The following JAG2 variants were observed in gnomAD, a reference collection of about 807,000 sequenced individuals.
The protein encoded by JAG2 is jagged canonical Notch ligand 2, also known as protein jagged-2.
In JAG2, 46 loss-of-function variants were observed where a neutral mutation model predicts 141.7. That is an observed-to-expected ratio of 0.32 (90% CI 0.26 to 0.42). JAG2 has a LOEUF of 0.42. JAG2 is among the 10% of genes least tolerant of loss of function. JAG2 has a pLI of 1.00. For missense variants in JAG2, 1,500 were observed against 1,817.5 expected (o/e 0.83, Z 3.18); for synonymous variants, 862 against 763.5 (o/e 1.13, Z -2.13).
chr14:105,157,774 G>A lies in JAG2; in HGVS notation c.418-11C>T. 2.6e-6 allele frequency: 4 copies of A among 1,568,258 alleles called. No individual in the cohort carries two copies. The highest frequency in any genetic ancestry group is 3.5e-6 in the Non-Finnish European group (4 of 1,158,496). ...GAGGGTAAAGGAGCGCTGCAGACAT[G>A]GGGAGGCGGGTCAGGTACCTGAGGC... On this transcript the variant is annotated splice_polypyrimidine_tract_variant and intron_variant, in intron 2 of 25. Transcript: ENST00000331782.
At chr14:105,145,500 G>A (rs929880218) in intron 23 of JAG2, among the ~76,000 whole-genome samples, 2 of 152,218 alleles carry the variant, frequency 1.3e-5, no homozygotes, top group African/African-American at 4.8e-5. Flanking sequence ...AGGGCAGCTG[G>A]ACAAACAGGC....
At position 105,155,820 on chromosome 14, in the gene JAG2, G is replaced by A. The variant is rs61750261; in HGVS notation, c.645C>T (p.Asn215=). ...ATCNKFCRPR[N]DFFGHYTCDQ... ...CGCAGGTGTAGTGGCCGAAAAAGTC[G>A]TTGCGGGGCCGGCAGAACTTGTTGC... The change falls in exon 4 of 26, where the codon AAC becomes AAT. Residue 215 remains asparagine (N), a synonymous_variant. Transcript: ENST00000331782. 7,061 of 1,612,818 alleles carry A rather than the reference G, an allele frequency of 4.4e-3. 280 individuals carry two copies. The African/African-American group carries it at 0.082, about 19-fold the overall frequency.
At position 105,149,037 on chromosome 14, in the gene JAG2, G is replaced by A. The variant is rs1251401304; in HGVS notation, c.1806C>T (p.Ala602=). ...DAGPGMPGTA[A]SGVCGPHGRC... The stretch of plus-strand genomic sequence containing the variant: ...GTCCATGGGGGCCACACACGCCGGA[G>A]GCTGCTGTGCCAGGCATCCCAGGCC... Residue 602 remains alanine, a synonymous_variant, in exon 14 of 26, where the codon GCC becomes GCT. Transcript: ENST00000331782. 8.1e-6 allele frequency: 13 copies of A among 1,607,922 alleles called. No individual in the cohort carries two copies. The highest frequency in any genetic ancestry group is 1.0e-5 in the Non-Finnish European group (12 of 1,178,038).
At chr14:105,157,580 A>G in intron 3 of JAG2, 126 bp downstream of exon 3, 2 of 962,098 alleles carry the variant, frequency 2.1e-6, no homozygotes, top group Admixed American at 2.0e-5. Context: ...CAAAGCAAAA[A>G]GGGAAACAGC....
chr14:105,148,370 T>C lies in JAG2; in HGVS notation c.2090A>G (p.Tyr697Cys). ...CTTCCAGCCGTCGTCGCACGCACAG[T>C]AGAAGTCATTGACCAGGTCGTAGCA... The part of the protein sequence containing the change: ...GRCYDLVNDF[Y>C]CACDDGWKGK... The change falls in exon 16 of 26, where the codon TAC (tyrosine) becomes TGC (cysteine). Residue 697 changes from tyrosine to cysteine, a missense_variant. By Grantham distance (194) the Tyr-to-Cys change is radical. This residue lies in a region of JAG2 where 875 missense variants were observed against 1,202.2 expected (regional missense o/e 0.73). Coordinates refer to ENST00000331782, the MANE Select transcript of JAG2 (RefSeq NM_002226.5). 1 of 1,611,804 alleles carries C rather than the reference T, an allele frequency of 6.2e-7. No individual in the cohort carries two copies.
intron 2 of JAG2, among the ~76,000 whole-genome samples, chr14:105,164,744 G>A (rs1178644723): frequency 6.6e-6 from 1 of 152,180 alleles, no homozygotes; most frequent in East Asian, 1.9e-4. Context: ...GAACTGGACA[G>A]GTCTGGGAGC....
chr14:105,147,959 C>G (rs1888280794), intron 17 of JAG2, 71 bp from the exon 18 acceptor site: 6 of 1,310,000 alleles, frequency 4.6e-6, no homozygotes, highest in Non-Finnish European at 5.4e-6. Context: ...ATACCGCGCC[C>G]CCAACCCAGA....
intron 24 of JAG2, among the ~76,000 whole-genome samples, chr14:105,144,151 G>C (rs587773859): frequency 6.6e-6 from 1 of 152,142 alleles, no homozygotes; most frequent in African/African-American, 2.4e-5. Flanking sequence ...ATCCCTTCTT[G>C]TCAGTTCCCA....
chr14:105,146,946 G>C, intron 20 of JAG2: 3 of 643,506 alleles, frequency 4.7e-6, no homozygotes, highest in Non-Finnish European at 8.5e-6. Context: ...TCTGCAGTGG[G>C]CCTGTCCCAT....
intron 2 of JAG2, among the ~76,000 whole-genome samples, chr14:105,160,198 G>C: frequency 6.6e-5 from 1 of 15,136 alleles, no homozygotes. Flanking sequence ...AACCACCCCC[G>C]TCAGCTCCAT....
chr14:105,151,969 A>C lies in JAG2; in HGVS notation c.1008T>G (p.Pro336=). 6.2e-7 allele frequency: 1 copy of C among 1,613,336 alleles called. No homozygotes were observed. The highest frequency in any genetic ancestry group is 8.5e-7 in the Non-Finnish European group (1 of 1,180,010). The stretch of plus-strand genomic sequence containing the variant: ...CACAGTTCCTGCCCGAGTAGCCGTC[A>C]GGGCAGGTGCAGCGGTACTGGTCAG... ...AEPDQYRCTC[P]DGYSGRNCEK... Residue 336 remains proline, a synonymous_variant, in exon 7 of 26, where the codon CCT becomes CCG. Coordinates refer to ENST00000331782, the MANE Select transcript of JAG2 (RefSeq NM_002226.5).
chr14:105,156,744 C>T (rs1015273948), intron 3 of JAG2, among the ~76,000 whole-genome samples: 6 of 152,164 alleles, frequency 3.9e-5, no homozygotes, highest in African/African-American at 1.2e-4. Context: ...TGTGCTGGCC[C>T]ACTCCCCAAG....
rs147680795 is a variant in JAG2, at chr14:105,156,541, T to A, written c.476-552A>T. Among the ~76,000 whole-genome samples the A allele has an allele frequency of 5.1e-3, 774 of 151,706 alleles. 4 individuals carry two copies. Among genetic ancestry groups the A allele is most frequent in the Non-Finnish European group, 8.4e-3 (569 of 67,982 alleles). ...GACAGGCATAGGTCCCGTGACCCGCTGTCTAAGCCTCACTTTAAGTAAGCC... is the reference window on the plus strand; with the variant it reads ...GACAGGCATAGGTCCCGTGACCCGCAGTCTAAGCCTCACTTTAAGTAAGCC... On this transcript the variant is annotated intron_variant, in intron 3 of 25. Transcript: ENST00000331782.
chr14:105,146,753 C>A, intron 20 of JAG2, 29 bp from the exon 21 acceptor site: 1 of 1,565,692 alleles, frequency 6.4e-7, no homozygotes, highest in South Asian at 1.1e-5. Flanking sequence ...CTGCTCAGTG[C>A]AGTGAGGCCA....
intron 23 of JAG2, among the ~76,000 whole-genome samples, 166 bp from the exon 24 acceptor site, chr14:105,145,227 C>T (rs1888187886): frequency 6.6e-6 from 1 of 152,198 alleles, no homozygotes; most frequent in South Asian, 2.1e-4. Context: ...CCGGCTGTGC[C>T]CTATACCAGG....
At chr14:105,148,502 G>T in intron 15 of JAG2, 63 bp from the exon 16 acceptor site, 1 of 1,257,858 alleles carries the variant, frequency 8.0e-7, no homozygotes, top group African/African-American at 1.5e-5. Context: ...GGCTTCCCGG[G>T]GGAGGAAGCA....
In JAG2 at chr14:105,155,547, C is replaced by T. The variant is rs775410691; in HGVS notation, c.788+15G>A. ...AAAGGTTGGGAGGGCAAAGACGGGC[C>T]GGCGGCACACTCACCTGCACTCCCC... On this transcript the variant is annotated intron_variant, in intron 5 of 25. Coordinates refer to ENST00000331782, the MANE Select transcript of JAG2 (RefSeq NM_002226.5). 8.1e-6 allele frequency: 13 copies of T among 1,612,744 alleles called. No individual in the cohort carries two copies. The highest frequency in any genetic ancestry group is 1.7e-5 in the Admixed American group (1 of 60,032).
In JAG2 at chr14:105,143,555, C is replaced by T. The variant is rs746925047; in HGVS notation, c.3168G>A (p.Arg1056=). The T allele has an allele frequency of 3.1e-6, 5 of 1,598,912 alleles. No individual in the cohort carries two copies. The change falls in exon 25 of 26, where the codon CGG becomes CGA. Residue 1056 remains arginine (R), a synonymous_variant. Transcript: ENST00000331782. The part of the protein sequence containing the change: ...AHAIVAAITQ[R]GNSSLLLAVT... ...CAGCCAGGAGCAGTGAGCTGTTCCC[C>T]CGCTGGGTGATGGCGGCCACGATGG...
Position 105,168,693 on chromosome 14 carries a change from G to T in JAG2, c.-273C>A, listed in dbSNP as rs1414601277. 6.4e-6 allele frequency: 1 copy of T among 155,838 alleles called. No individual in the cohort carries two copies. The highest frequency in any genetic ancestry group is 1.4e-5 in the Non-Finnish European group (1 of 71,928). The allele number at this position is 155,838 out of a possible 1,614,324, so 9.7% of individuals were successfully genotyped here. On this transcript the variant is annotated 5_prime_UTR_variant, in exon 1 of 26. Transcript: ENST00000331782. ...CGGCTCCCACCCGGCGGCGACGGCG[G>T]CGGCGGTGAAGGCAGCGGGTCCCGG...
Sources: allele counts gnomAD v4.1 joint callset (sites outside exome capture counted in the v4.1 genomes callset), GRCh38; gene constraint gnomAD v4.1.1; regional missense constraint gnomAD v4.1.1; transcripts MANE v1.5; gene names NCBI Gene and HGNC (gene_info 2026-07-23, HGNC 2026-07-21).